PCDHA8: variants seen among roughly 807,000 people sequenced by gnomAD.
PCDHA8 encodes protocadherin alpha 8, also known as protocadherin alpha-8.
Under a neutral mutation model 61.8 loss-of-function variants are expected in PCDHA8, and 53 were observed. That is an observed-to-expected ratio of 0.86 (90% CI 0.69 to 1.08). The LOEUF (loss-of-function observed/expected upper bound fraction) is 1.08, where lower values mean the gene tolerates loss of function less well. Ranked by LOEUF, PCDHA8 falls within the 50% of genes least tolerant of loss-of-function variation. The pLI is 0.00. For synonymous variants in PCDHA8, 618 were observed against 556.6 expected, an observed-to-expected ratio of 1.11 and a Z score of -1.55; for missense variants, 1,293 against 1,245.0, an observed-to-expected ratio of 1.04 and a Z score of -0.58.
chr5:140,943,617 T>A (rs2093532711), intron 1 of PCDHA8, among the ~76,000 whole-genome samples: 1 of 152,208 alleles, frequency 6.6e-6, no homozygotes, highest in Non-Finnish European at 1.5e-5. Context: ...TTGATTCATC[T>A]GCATAAGGAA....
At chr5:140,969,464 C>T in intron 1 of PCDHA8, 2 of 1,491,562 alleles carry the variant, frequency 1.3e-6, no homozygotes, top group South Asian at 2.7e-5. Context: ...ATATAGTATC[C>T]ACAATTTGAT....
intron 1 of PCDHA8, chr5:140,883,965 T>A (rs781999874): frequency 1.9e-6 from 3 of 1,613,128 alleles, no homozygotes; most frequent in Non-Finnish European, 2.5e-6. Context: ...CCGGCGCTGC[T>A]GACGCCCGGG....
intron 1 of PCDHA8, among the ~76,000 whole-genome samples, chr5:140,872,710 A>G (rs563009592): frequency 6.5e-4 from 99 of 152,384 alleles, no homozygotes; most frequent in African/African-American, 1.9e-3. Flanking sequence ...AAAGGAAACT[A>G]GGTAAATAAA....
chr5:140,887,246 G>A (rs1346055055), intron 1 of PCDHA8, among the ~76,000 whole-genome samples: 2 of 151,778 alleles, frequency 1.3e-5, no homozygotes, highest in Non-Finnish European at 2.9e-5. Flanking sequence ...ACCGGCGCCC[G>A]CCACCACGCC....
chr5:140,869,407 T>C, intron 1 of PCDHA8: 3 of 1,614,120 alleles, frequency 1.9e-6, no homozygotes, highest in Non-Finnish European at 2.5e-6. Context: ...GAGCGCGGAG[T>C]GCAGCATCCA....
intron 1 of PCDHA8, among the ~76,000 whole-genome samples, chr5:140,897,896 T>C (rs1377037458): frequency 6.6e-6 from 1 of 152,204 alleles, no homozygotes; most frequent in Non-Finnish European, 1.5e-5. Context: ...TGGTGTGAGA[T>C]GGTATCTCAT....
chr5:140,853,692 C>G, intron 1 of PCDHA8: 1 of 987,924 alleles, frequency 1.0e-6, no homozygotes, highest in Non-Finnish European at 1.2e-6. Context: ...ATCCTTAGAC[C>G]TGCTAACGCA....
intron 1 of PCDHA8, among the ~76,000 whole-genome samples, chr5:140,910,650 C>T (rs565503828): frequency 6.6e-6 from 1 of 152,312 alleles, no homozygotes; most frequent in East Asian, 1.9e-4. Flanking sequence ...CCTTTTGATC[C>T]CTTCCTCTAC....
chr5:140,938,148 A>G (rs563866654), intron 1 of PCDHA8, among the ~76,000 whole-genome samples: 1 of 152,284 alleles, frequency 6.6e-6, no homozygotes, highest in African/African-American at 2.4e-5. Context: ...GTCTCACTAC[A>G]TTGCCCAGGC....
In PCDHA8 at chr5:140,992,699, T is replaced by A. The variant is rs149489820; in HGVS notation, c.2542+10136T>A. Among the ~76,000 whole-genome samples the A allele has an allele frequency of 7.6e-3, 1,153 of 152,282 alleles. 6 individuals carry two copies. The highest frequency in any genetic ancestry group is 0.014 in the Middle Eastern group (4 of 294). On this transcript the variant is annotated intron_variant, in intron 3 of 3. Transcript: ENST00000531613. ...GTGTTAGGGGTTGAGGGGTGGGTAA[T>A]GTTCCTGCCAGTATTCGTAAATCCC...
rs2150447816 is a variant in PCDHA8 at position 140,849,745 on chromosome 5, G to A, written c.2394+6030G>A. On this transcript the variant is annotated intron_variant, in intron 1 of 3. Coordinates refer to ENST00000531613, the MANE Select transcript of PCDHA8 (RefSeq NM_018911.3). Reference sequence around the variant, plus strand: ...CTGGACAGAGCTCTGGACCGCGAGAGTGTGTCCGCCTACGAGCTGGTGGTT... The same window carrying A: ...CTGGACAGAGCTCTGGACCGCGAGAATGTGTCCGCCTACGAGCTGGTGGTT... 2.6e-5 allele frequency: 41 copies of A among 1,598,346 alleles called. 3 individuals are homozygous for A. Among genetic ancestry groups the A allele is most frequent in the African/African-American group, 4.0e-5 (3 of 74,350 alleles).
chr5:140,883,746 C>A (rs1554179687), intron 1 of PCDHA8: 1 of 1,613,326 alleles, frequency 6.2e-7, no homozygotes, highest in Non-Finnish European at 8.5e-7. Context: ...GTCTCCTACT[C>A]GCTGGTGGAG....
chr5:140,901,234 T>C (rs1013983503), intron 1 of PCDHA8, among the ~76,000 whole-genome samples: 1 of 152,156 alleles, frequency 6.6e-6, no homozygotes, highest in Non-Finnish European at 1.5e-5. Flanking sequence ...ATATATCCAT[T>C]TTTTTCCTTT....
chr5:140,955,832 G>A (rs2095230258), intron 1 of PCDHA8, among the ~76,000 whole-genome samples: 1 of 152,132 alleles, frequency 6.6e-6, no homozygotes, highest in South Asian at 2.1e-4. Flanking sequence ...TTGAGCAGTG[G>A]TTTGTCATTC....
At chr5:140,966,758 C>T in intron 1 of PCDHA8, 1 of 1,445,334 alleles carries the variant, frequency 6.9e-7, no homozygotes, top group South Asian at 1.5e-5. Flanking sequence ...TCCGCCGCGG[C>T]CAGTGGCTAT....
intron 1 of PCDHA8, among the ~76,000 whole-genome samples, chr5:140,963,686 G>A (rs181667037): frequency 2.7e-4 from 41 of 152,226 alleles, no homozygotes; most frequent in Middle Eastern, 3.4e-3. Flanking sequence ...GTGTTTATCC[G>A]TGTTTGATAT....
intron 1 of PCDHA8, among the ~76,000 whole-genome samples, chr5:140,963,916 T>A (rs186370400): frequency 2.0e-5 from 3 of 152,356 alleles, no homozygotes; most frequent in East Asian, 3.9e-4. Flanking sequence ...AAGCTTAGGC[T>A]AAGTAACATG....
rs782716439 is a variant in PCDHA8, at chr5:140,858,074, A to C, written c.2394+14359A>C. The stretch of plus-strand genomic sequence containing the variant: ...GCTTGTGGAGGGCAGCCAGGCACCC[A>C]AGGCCTCGTCGCGGGCTTCAGTGGG... On this transcript the variant is annotated intron_variant, in intron 1 of 3. Coordinates refer to ENST00000531613, the MANE Select transcript of PCDHA8 (RefSeq NM_018911.3). 3 of 1,597,526 alleles carry C rather than the reference A, an allele frequency of 1.9e-6. No homozygotes were observed. The African/African-American group carries it at 4.0e-5, about 21-fold the overall frequency.
chr5:140,967,003 C>T, intron 1 of PCDHA8: 1 of 1,605,342 alleles, frequency 6.2e-7, no homozygotes, highest in South Asian at 1.1e-5. Context: ...GCTTGCGCAT[C>T]AACCATCTGG....
Sources: gnomAD v4.1 joint callset for allele counts (sites outside exome capture counted in the v4.1 genomes callset) on GRCh38, gnomAD v4.1.1 for gene constraint, MANE v1.5 for transcripts, NCBI Gene and HGNC (gene_info 2026-07-23, HGNC 2026-07-21) for gene names.